The following ZMAT5 variants were observed in gnomAD, a reference collection of about 807,000 sequenced individuals.
ZMAT5 encodes the protein zinc finger matrin-type protein 5.
ZMAT5 carries 23 observed loss-of-function variants against 28.0 expected under a neutral mutation model. The ratio of observed to expected loss-of-function variants is 0.82; its 90% CI spans 0.59 to 1.16. The LOEUF (loss-of-function observed/expected upper bound fraction) is 1.16. ZMAT5 is among the 50% of genes most tolerant of loss of function. The pLI, the probability that ZMAT5 is intolerant of heterozygous loss-of-function variation, is 0.00. For missense variants in ZMAT5, 173 were observed against 212.7 expected (o/e 0.81, Z 1.16); for synonymous variants, 76 against 84.1 (o/e 0.90, Z 0.52).
intron 4 of ZMAT5, 29 bp from the exon 5 acceptor site, chr22:29,738,470 G>T: frequency 6.3e-7 from 1 of 1,591,916 alleles, no homozygotes; most frequent in South Asian, 1.1e-5. Flanking sequence ...AAAGGCAAGT[G>T]AGGGGTACAC....
intron 5 of ZMAT5, among the ~76,000 whole-genome samples, chr22:29,735,302 G>A (rs2067894133): frequency 6.6e-6 from 1 of 152,198 alleles, no homozygotes; most frequent in Admixed American, 6.5e-5. Context: ...GGCCTGCTCT[G>A]CCTAGAGAAC....
chr22:29,762,563 C>A (rs1049304931), intron 1 of ZMAT5, among the ~76,000 whole-genome samples: 1 of 152,212 alleles, frequency 6.6e-6, no homozygotes, highest in African/African-American at 2.4e-5. Context: ...TGCGAGGGAT[C>A]TAGGTTGCAC....
intron 1 of ZMAT5, among the ~76,000 whole-genome samples, chr22:29,757,173 G>A (rs528664784): frequency 8.4e-5 from 12 of 143,374 alleles, no homozygotes; most frequent in African/African-American, 2.9e-4. Context: ...ACGTGATCAC[G>A]CCAGTGCACT....
intron 5 of ZMAT5, among the ~76,000 whole-genome samples, chr22:29,737,351 A>G (rs190590989): frequency 5.9e-5 from 9 of 152,290 alleles, no homozygotes; most frequent in East Asian, 3.9e-4. Flanking sequence ...AAGAAAGAAA[A>G]AAAACACCCT....
chr22:29,743,740 C>A (rs946711199), intron 2 of ZMAT5, among the ~76,000 whole-genome samples: 1 of 152,182 alleles, frequency 6.6e-6, no homozygotes, highest in African/African-American at 2.4e-5. Context: ...CCTATCTTTA[C>A]TTTCATCATA....
At chr22:29,762,755 A>G (rs1215354900) in intron 1 of ZMAT5, among the ~76,000 whole-genome samples, 1 of 152,166 alleles carries the variant, frequency 6.6e-6, no homozygotes, top group Non-Finnish European at 1.5e-5. Context: ...AATAAATATA[A>G]TCCACTTGAA....
In ZMAT5 at chr22:29,731,230, C is replaced by T. The variant is rs776848530; in HGVS notation, c.508G>A (p.Gly170Ser). 58 of 1,499,156 alleles carry T rather than the reference C, an allele frequency of 3.9e-5. No homozygotes were observed. In the Admixed American group the frequency reaches 7.7e-4, roughly 20 times the overall value. The allele number at this position is 1,499,156 out of a possible 1,614,324, so 92.9% of individuals were successfully genotyped here. A position where few individuals can be genotyped will look rare whatever the true frequency, so the allele number is the denominator to read the frequency against. Residue 170 changes from glycine to serine, a missense_variant, in exon 6 of 6, where the codon GGC (glycine) becomes AGC (serine). Coordinates refer to ENST00000344318, the MANE Select transcript of ZMAT5 (RefSeq NM_001003692.2). Reference sequence around the variant, plus strand: ...GTCAGTCGGGGGCAAGGGGCTCAGCCCCACTGGACTCTGGGCTGCAGAGGC... The same window carrying T: ...GTCAGTCGGGGGCAAGGGGCTCAGCTCCACTGGACTCTGGGCTGCAGAGGC... Reference protein sequence around the residue: ...GWPLQPRVQWG With the variant: ...GWPLQPRVQWS
chr22:29,755,335 G>A (rs1032452740), intron 1 of ZMAT5, among the ~76,000 whole-genome samples: 3 of 42,632 alleles, frequency 7.0e-5, no homozygotes, highest in African/African-American at 2.0e-4. Flanking sequence ...AGGAGAGAGA[G>A]AGAGAGGGAG....
At chr22:29,740,055 T>C (rs1482598937) in intron 4 of ZMAT5, among the ~76,000 whole-genome samples, 1 of 152,240 alleles carries the variant, frequency 6.6e-6, no homozygotes, top group Admixed American at 6.5e-5. Flanking sequence ...AGTCTGAATG[T>C]TGGCCTTAGT....
At chr22:29,734,262 G>C (rs558276975) in intron 5 of ZMAT5, among the ~76,000 whole-genome samples, 21 of 152,326 alleles carry the variant, frequency 1.4e-4, no homozygotes, top group African/African-American at 4.8e-4. Context: ...ATGCCACCAG[G>C]CTGGGGCTTC....
intron 1 of ZMAT5, among the ~76,000 whole-genome samples, chr22:29,765,244 C>T (rs1278852019): frequency 6.6e-6 from 1 of 151,792 alleles, no homozygotes; most frequent in Non-Finnish European, 1.5e-5. Context: ...CATGGTGAAA[C>T]CTTGTCTCTA....
chr22:29,748,238 T>A, intron 2 of ZMAT5, 180 bp downstream of exon 2: 1 of 808,430 alleles, frequency 1.2e-6, no homozygotes, highest in Non-Finnish European at 2.0e-6. Context: ...GTCAGCGTTG[T>A]TGGGGAAAGA....
rs139093549 is a variant in ZMAT5, at chr22:29,731,663, C to T, written c.384-309G>A. The T allele has an allele frequency of 3.0e-3, 953 of 317,792 alleles. 4 individuals are homozygous for T. The highest frequency in any genetic ancestry group is 3.4e-3 in the Non-Finnish European group (598 of 173,938). 19.7% of individuals were successfully genotyped at this position (317,792 alleles called of 1,614,324 possible). On this transcript the variant is annotated intron_variant, in intron 5 of 5. Coordinates refer to ENST00000344318, the MANE Select transcript of ZMAT5 (RefSeq NM_001003692.2). Reference sequence around the variant, plus strand: ...CACGTCCACAGCAGAGAATGCCATGCGGCCTGTGTAAGAATTAAGGCAGAT... The same window carrying T: ...CACGTCCACAGCAGAGAATGCCATGTGGCCTGTGTAAGAATTAAGGCAGAT...
chr22:29,761,268 T>TAAA (rs2068154681), intron 1 of ZMAT5, among the ~76,000 whole-genome samples: 1 of 21,762 alleles, frequency 4.6e-5, no homozygotes, highest in Admixed American at 6.3e-4. Context: ...AAACTCCGTC[T>TAAA]CAAAAAAAAA....
chr22:29,743,670 G>C (rs562577309), intron 2 of ZMAT5, among the ~76,000 whole-genome samples: 2 of 152,180 alleles, frequency 1.3e-5, no homozygotes, highest in Non-Finnish European at 2.9e-5. Context: ...GGGCTCAAGC[G>C]ATCCTCCCCA....
intron 1 of ZMAT5, among the ~76,000 whole-genome samples, chr22:29,765,400 G>GT (rs2068198088): frequency 1.3e-5 from 2 of 151,804 alleles, no homozygotes; most frequent in African/African-American, 2.4e-5. Context: ...GCCGCACAGA[G>GT]TGAGACTCTG....
In ZMAT5 at chr22:29,760,263, C is replaced by T. The variant is rs563180139; in HGVS notation, c.-28+6609G>A. Among the ~76,000 whole-genome samples the T allele has an allele frequency of 2.6e-5, 4 of 151,934 alleles. No individual in the cohort carries two copies. In the East Asian group the frequency reaches 5.8e-4, roughly 22 times the overall value. ...TGGCAGGCGCCTGTAATCCCAGCTA[C>T]TCAGGAGGCTGAGGCAGGAGAATCG... On this transcript the variant is annotated intron_variant, in intron 1 of 5. Transcript: ENST00000344318.
chr22:29,755,611 T>C (rs1422679055), intron 1 of ZMAT5, among the ~76,000 whole-genome samples: 2 of 152,168 alleles, frequency 1.3e-5, no homozygotes, highest in Non-Finnish European at 2.9e-5. Context: ...TAGATATCAA[T>C]ATCAAGTGTC....
At chr22:29,756,215 G>A (rs969454547) in intron 1 of ZMAT5, among the ~76,000 whole-genome samples, 4 of 152,220 alleles carry the variant, frequency 2.6e-5, no homozygotes, top group Admixed American at 6.5e-5. Flanking sequence ...ACAGCCAGAG[G>A]ACGGCTTTAT....
Sources: allele counts gnomAD v4.1 joint callset (sites outside exome capture counted in the v4.1 genomes callset), GRCh38; gene constraint gnomAD v4.1.1; transcripts MANE v1.5; gene names NCBI Gene and HGNC (gene_info 2026-07-23, HGNC 2026-07-21).